Variants in TMEM270 observed in about 807,000 individuals in gnomAD.
The protein encoded by TMEM270 is Williams-Beuren syndrome chromosome region 28.
A neutral mutation model predicts 29.9 loss-of-function variants in TMEM270; 30 were observed. That is an observed-to-expected ratio of 1.00 (90% confidence interval 0.75 to 1.36). The LOEUF is 1.36. Among genes scored for constraint, TMEM270 ranks in the 40% most tolerant of loss-of-function variants. The pLI is 0.00. For synonymous variants in TMEM270, 135 were observed against 139.8 expected (o/e 0.97, Z 0.24); for missense variants, 313 against 307.1 (o/e 1.02, Z -0.14).
chr7:73,865,806 C>T lies in TMEM270; in HGVS notation c.731C>T (p.Ser244Leu), dbSNP rs1788898418. The T allele has an allele frequency of 6.2e-7, 1 of 1,613,886 alleles. No homozygotes were observed. The part of the protein sequence containing the change: ...QEVSGSSLLP[S>L]LSASSDSESG... ...GTCTCAGGGTCTTCCTTGCTGCCCT[C>T]ACTGTCTGCGTCCTCGGACTCAGAG... is the stretch of plus-strand genomic sequence containing the variant. The change falls in exon 3 of 3, where the codon TCA becomes TTA. Residue 244 changes from serine to leucine, a missense_variant. Transcript: ENST00000320531.
Position 73,865,173 on chromosome 7 carries a change from C to T in TMEM270, c.253C>T (p.Gln85Ter). ...TCTCTGGGCTGGGCTGGCTCTGATA[C>T]AGGTCCCCGTATGGCTGGTGCTACA... ...QALWAGLALI[Q>*]VPVWLVLQGP... Residue 85 changes from glutamine to a stop codon, truncating the protein, a stop_gained, in exon 2 of 3, where the codon CAG becomes TAG. Coordinates refer to ENST00000320531, the MANE Select transcript of TMEM270 (RefSeq NM_182504.4). LOFTEE classifies it high-confidence loss of function. 1 of 1,612,774 alleles carries T rather than the reference C, an allele frequency of 6.2e-7. No homozygotes were observed. The highest frequency in any genetic ancestry group is 8.5e-7 in the Non-Finnish European group (1 of 1,179,046).
rs1203741556 is a variant in TMEM270, at chr7:73,861,224, C to G, written c.30C>G (p.Ser10Arg). 6.2e-7 allele frequency: 1 copy of G among 1,613,504 alleles called. No homozygotes were observed. The highest frequency in any genetic ancestry group is 8.5e-7 in the Non-Finnish European group (1 of 1,179,704). Residue 10 changes from serine (S) to arginine (R), a missense_variant, in exon 1 of 3, where the codon AGC becomes AGG. Ser to Arg is a moderately radical substitution (Grantham distance 110, BLOSUM62 -1). Transcript: ENST00000320531. MEALPPVRS[S>R]LLGILLQVTR... is the part of the protein sequence containing the mutation. ...AGGCCCTTCCTCCAGTCAGATCCAG[C>G]CTTTTGGGGATCCTGTTGCAGGTTA... is the stretch of plus-strand genomic sequence containing the variant.
upstream of TMEM270, chr7:73,861,064 G>A: frequency 2.4e-6 from 2 of 823,746 alleles, no homozygotes; most frequent in Middle Eastern, 3.4e-4. Flanking sequence ...AAGCAGTGGA[G>A]CGGCAGGAGC....
Position 73,865,737 on chromosome 7 carries a change from A to C in TMEM270, c.662A>C (p.His221Pro). The change falls in exon 3 of 3, where the codon CAC becomes CCC. Residue 221 changes from histidine (H) to proline (P), a missense_variant. Physicochemically the swap from His to Pro is moderately conservative, Grantham distance 77. Coordinates refer to ENST00000320531, the MANE Select transcript of TMEM270 (RefSeq NM_182504.4). Reference sequence around the variant, plus strand: ...CACCTGCTGCAGGCTGCCTTTGAGCACACGACCCAGCTGGCCGAGGCCCAG... The same window carrying C: ...CACCTGCTGCAGGCTGCCTTTGAGCCCACGACCCAGCTGGCCGAGGCCCAG... ...ASHLLQAAFE[H>P]TTQLAEAQEV... The C allele has an allele frequency of 6.2e-7, 1 of 1,614,142 alleles. No individual in the cohort carries two copies. Among genetic ancestry groups the C allele is most frequent in the Non-Finnish European group, 8.5e-7 (1 of 1,180,012 alleles).
At chr7:73,863,254 G>A (rs1217856047) in intron 1 of TMEM270, among the ~76,000 whole-genome samples, 1 of 152,046 alleles carries the variant, frequency 6.6e-6, no homozygotes, top group Non-Finnish European at 1.5e-5. Flanking sequence ...TCAAGGGCTG[G>A]GGGCTTTCCA....
chr7:73,862,161 G>A (rs1788802385), intron 1 of TMEM270, among the ~76,000 whole-genome samples: 1 of 150,254 alleles, frequency 6.7e-6, no homozygotes, highest in Non-Finnish European at 1.5e-5. Context: ...AGGCTGCAGT[G>A]TAATGGTGCG....
At position 73,861,228 on chromosome 7, in the gene TMEM270, T is replaced by C; in HGVS notation, c.34T>C (p.Leu12=). 2 of 1,613,532 alleles carry C rather than the reference T, an allele frequency of 1.2e-6. No individual in the cohort carries two copies. Among genetic ancestry groups the C allele is most frequent in the Non-Finnish European group, 1.7e-6 (2 of 1,179,618 alleles). The part of the protein sequence containing the change: ...EALPPVRSSL[L]GILLQVTRLS... ...CCTTCCTCCAGTCAGATCCAGCCTT[T>C]TGGGGATCCTGTTGCAGGTTACGAG... Residue 12 remains leucine, a synonymous_variant, in exon 1 of 3, where the codon TTG becomes CTG. Transcript: ENST00000320531.
rs782602663 is a variant in TMEM270 at position 73,864,981 on chromosome 7, C to T, written c.73-12C>T. 1 of 1,473,016 alleles carries T rather than the reference C, an allele frequency of 6.8e-7. No individual in the cohort carries two copies. Among genetic ancestry groups the T allele is most frequent in the Non-Finnish European group, 9.0e-7 (1 of 1,109,198 alleles). The allele number at this position is 1,473,016 out of a possible 1,614,324, so 91.2% of individuals were successfully genotyped here. ...TGATGGCTGACGGTTGTCTCTCTCTCTTCTTCTGCAGTTGGTTCAGAACCG... is the reference window on the plus strand; with the variant it reads ...TGATGGCTGACGGTTGTCTCTCTCTTTTCTTCTGCAGTTGGTTCAGAACCG... On this transcript the variant is annotated splice_polypyrimidine_tract_variant and intron_variant, in intron 1 of 2. Coordinates refer to ENST00000320531, the MANE Select transcript of TMEM270 (RefSeq NM_182504.4).
intron 1 of TMEM270, among the ~76,000 whole-genome samples, chr7:73,862,676 C>T (rs962849411): frequency 1.3e-5 from 2 of 151,626 alleles, no homozygotes. Flanking sequence ...GCCTGACTAA[C>T]ATGAAGAAAC....
intron 1 of TMEM270, 27 bp from the exon 2 acceptor site, chr7:73,864,966 C>T (rs367781387): frequency 1.0e-5 from 15 of 1,447,010 alleles, no homozygotes; most frequent in Middle Eastern, 1.9e-4. Flanking sequence ...TGATGGCTGA[C>T]GGTTGTCTCT....
At chr7:73,861,019 G>A (rs147671028), upstream of TMEM270, 236 of 646,296 alleles carry the variant, frequency 3.7e-4, 1 homozygote, top group East Asian at 4.2e-3. Context: ...CTCCTTGGCC[G>A]TGTTGGGCTC....
At chr7:73,865,448 G>A in intron 2 of TMEM270, 27 bp downstream of exon 2, 3 of 1,594,920 alleles carry the variant, frequency 1.9e-6, no homozygotes, top group Non-Finnish European at 2.6e-6. Context: ...TGAGGCTGGG[G>A]TGTGGAGGGC....
At chr7:73,865,529 C>G (rs534437073) in intron 2 of TMEM270, 48 bp from the exon 3 acceptor site, 1 of 1,595,066 alleles carries the variant, frequency 6.3e-7, no homozygotes, top group African/African-American at 1.3e-5. Context: ...AGCAGTGTAA[C>G]CCTATGAGCT....
intron 1 of TMEM270, among the ~76,000 whole-genome samples, chr7:73,863,102 C>A (rs532408415): frequency 6.6e-6 from 1 of 152,198 alleles, no homozygotes; most frequent in South Asian, 2.1e-4. Context: ...CCTGCTGGAC[C>A]CTTTGGTCTC....
intron 1 of TMEM270, among the ~76,000 whole-genome samples, chr7:73,863,595 G>A (rs1788833704): frequency 6.6e-6 from 1 of 152,078 alleles, no homozygotes; most frequent in Admixed American, 6.6e-5. Context: ...TCACCAGGTT[G>A]ACCAGGCTGG....
intron 1 of TMEM270, 125 bp from the exon 2 acceptor site, chr7:73,864,868 A>G: frequency 5.7e-6 from 5 of 875,442 alleles, no homozygotes; most frequent in Non-Finnish European, 8.2e-6. Flanking sequence ...GCGCCATTGC[A>G]TTCCAGCCTG....
chr7:73,861,305 C>CA, intron 1 of TMEM270, 39 bp downstream of exon 1: 2 of 1,582,772 alleles, frequency 1.3e-6, no homozygotes, highest in Non-Finnish European at 1.7e-6. Context: ...GGGGACCACA[C>CA]ACCAGGCCCT....
Position 73,865,037 on chromosome 7 carries a change from G to C in TMEM270, c.117G>C (p.Lys39Asn), listed in dbSNP as rs1554639729. ...RDHLYNFLLL[K>N]INLFNHWVSG... ...ACCTCTATAATTTCCTGCTCCTCAA[G>C]ATCAACCTCTTCAACCACTGGGTGT... Residue 39 changes from lysine to asparagine, a missense_variant, in exon 2 of 3, where the codon AAG (lysine) becomes AAC (asparagine). Coordinates refer to ENST00000320531, the MANE Select transcript of TMEM270 (RefSeq NM_182504.4). The C allele has an allele frequency of 6.6e-6, 10 of 1,519,964 alleles. No homozygotes were observed. In the South Asian group the frequency reaches 1.3e-4, roughly 20 times the overall value. 94.2% of individuals were successfully genotyped at this position (1,519,964 alleles called of 1,614,324 possible).
chr7:73,865,480 G>T, intron 2 of TMEM270, 59 bp downstream of exon 2: 1 of 1,582,986 alleles, frequency 6.3e-7, no homozygotes, highest in Non-Finnish European at 8.6e-7. Flanking sequence ...ACTGGGTGTG[G>T]TCAGGGCTGG....
Sources: allele counts gnomAD v4.1 joint callset (sites outside exome capture counted in the v4.1 genomes callset), GRCh38; gene constraint gnomAD v4.1.1; transcripts MANE v1.5; gene names NCBI Gene and HGNC (gene_info 2026-07-23, HGNC 2026-07-21).